RLIM: variants seen among roughly 807,000 people sequenced by gnomAD.
The protein encoded by RLIM is E3 ubiquitin-protein ligase RLIM.
In RLIM, 2 loss-of-function variants were observed where a neutral mutation model predicts 34.0. The ratio of observed to expected loss-of-function variants is 0.06; its 90% CI spans 0.02 to 0.19. The LOEUF (loss-of-function observed/expected upper bound fraction) is 0.19. Among genes scored for constraint, RLIM ranks in the 10% least tolerant of loss-of-function variants. The probability of loss-of-function intolerance (pLI) is 1.00; values close to 1 mark genes in which losing one functional copy is unlikely to be tolerated. For missense variants in RLIM, 286 were observed against 479.7 expected, an observed-to-expected ratio of 0.60 and a Z score of 3.77; for synonymous variants, 169 against 164.0, an observed-to-expected ratio of 1.03 and a Z score of -0.23.
chrX:74,608,216 G>A (rs909238543), intron 1 of RLIM, among the ~76,000 whole-genome samples: 2 of 111,461 alleles, frequency 1.8e-5, no homozygotes, highest in South Asian at 7.4e-4. Flanking sequence ...TAAACCATCT[G>A]CAAGGTACTT....
In RLIM at chrX:74,584,119, T is replaced by G. The variant is rs753132113; in HGVS notation, c.*7321A>C. Among the ~76,000 whole-genome samples the G allele has an allele frequency of 8.9e-6, 1 of 111,852 alleles. No homozygotes were observed. The highest frequency in any genetic ancestry group is 2.8e-4 in the East Asian group (1 of 3,574). On this transcript the variant is annotated 3_prime_UTR_variant, in exon 4 of 4. Transcript: ENST00000332687. ...GCAAACCAGCCAAAACTGATGTTTT[T>G]CCTAAGAAATCACACCTCATAAGCA...
chrX:74,605,296 A>T (rs758323093), intron 1 of RLIM, among the ~76,000 whole-genome samples: 60 of 112,331 alleles, frequency 5.3e-4, no homozygotes, highest in African/African-American at 1.9e-3. Context: ...AAAAACCACA[A>T]GTTCTGCCCC....
At chrX:74,610,366 A>G (rs2079703757) in intron 1 of RLIM, among the ~76,000 whole-genome samples, 1 of 109,014 alleles carries the variant, frequency 9.2e-6, no homozygotes, top group Non-Finnish European at 1.9e-5. Context: ...GCAGTGAGCC[A>G]AGATCGTGCC....
chrX:74,594,529 A>G (rs2079630937), intron 2 of RLIM, 140 bp from the exon 3 acceptor site: 1 of 395,209 alleles, frequency 2.5e-6, no homozygotes, highest in Non-Finnish European at 4.2e-6. Context: ...TCAAACCAAA[A>G]AGAAAAACCA....
chrX:74,601,029 GA>G (rs1222622967), intron 1 of RLIM, among the ~76,000 whole-genome samples: 7 of 104,178 alleles, frequency 6.7e-5, no homozygotes, highest in Non-Finnish European at 5.9e-5. Context: ...CGTCTCAAAG[GA>G]AAAAAAAAAG....
intron 1 of RLIM, among the ~76,000 whole-genome samples, chrX:74,600,904 C>T (rs2079658703): frequency 9.3e-6 from 1 of 107,243 alleles, no homozygotes; most frequent in South Asian, 4.2e-4. Context: ...CGTGTAATCC[C>T]AGCTACTTGG....
chrX:74,595,798 T>C lies in RLIM; in HGVS notation c.169+11A>G, dbSNP rs192370406. On this transcript the variant is annotated intron_variant, in intron 2 of 3. Transcript: ENST00000332687. ...TTACACTTATAAATCCTTAAATATA[T>C]GTAAGCATACCTGGGGTGCCTAGCA... The C allele has an allele frequency of 2.2e-5, 26 of 1,165,328 alleles. No homozygotes were observed. Among genetic ancestry groups the C allele is most frequent in the Non-Finnish European group, 2.8e-5 (24 of 866,752 alleles).
intron 3 of RLIM, 118 bp downstream of exon 3, chrX:74,594,188 G>T: frequency 2.3e-6 from 1 of 442,490 alleles, no homozygotes; most frequent in Non-Finnish European, 3.7e-6. Context: ...TTTATGAGCA[G>T]TTACTTAGCA....
rs746510103 is a variant in RLIM at position 74,591,624 on chromosome X, T to C, written c.1691A>G (p.Asn564Ser). ...AACACTACAGGTTTTTAATGCATCA[T>C]TTTCACCAAAACTTCTCATTGCCAA... ...DNLAMRSFGE[N>S]DALKTCSVCI... Residue 564 changes from asparagine (N) to serine (S), a missense_variant, in exon 4 of 4, where the codon AAT (asparagine) becomes AGT (serine). Asn to Ser is a conservative substitution (Grantham distance 46). This residue lies in a region of RLIM where 14 missense variants were observed against 63.2 expected (regional missense o/e 0.22). Coordinates refer to ENST00000332687, the MANE Select transcript of RLIM (RefSeq NM_016120.4). The C allele has an allele frequency of 1.1e-5, 13 of 1,210,326 alleles. No homozygotes were observed. In the Admixed American group the frequency reaches 2.8e-4, roughly 26 times the overall value.
chrX:74,599,480 C>G (rs2079652508), intron 1 of RLIM, among the ~76,000 whole-genome samples: 1 of 111,965 alleles, frequency 8.9e-6, no homozygotes, highest in Admixed American at 9.5e-5. Flanking sequence ...TTGTCCCCCT[C>G]AAATTCACAT....
At chrX:74,597,942 A>ATTGGAAC (rs2079646440) in intron 1 of RLIM, among the ~76,000 whole-genome samples, 1 of 112,206 alleles carries the variant, frequency 8.9e-6, no homozygotes, top group Non-Finnish European at 1.9e-5. Flanking sequence ...TCAAACAATA[A>ATTGGAAC]ATAGCTTGGA....
Position 74,583,558 on chromosome X carries a change from T to C in RLIM, c.*7882A>G. The C allele has an allele frequency of 2.0e-6, 1 of 494,945 alleles. No individual in the cohort carries two copies. Among genetic ancestry groups the C allele is most frequent in the South Asian group, 2.8e-5 (1 of 36,146 alleles). 40.8% of individuals were successfully genotyped at this position (494,945 alleles called of 1,213,427 possible). A position where few individuals can be genotyped will look rare whatever the true frequency, so the allele number is the denominator to read the frequency against. ...TGTGTTGATGAATTCACCAAATTTT[T>C]ATTCCAGTCTATTTTGAGACTTCTG... On this transcript the variant is annotated 3_prime_UTR_variant, in exon 4 of 4. Transcript: ENST00000332687.
At position 74,612,014 on chromosome X, in the gene RLIM, T is replaced by A. The variant is rs73625810; in HGVS notation, c.-24+2408A>T. ...TTTGCACCTGCTGTCCAGGAATTAT[T>A]AATGTTCCTTTTGTTCTTAAAAGTG... On this transcript the variant is annotated intron_variant, in intron 1 of 3. Coordinates refer to ENST00000332687, the MANE Select transcript of RLIM (RefSeq NM_016120.4). Among the ~76,000 whole-genome samples the A allele has an allele frequency of 7.2e-4, 81 of 112,003 alleles. 1 individual carries two copies. The highest frequency in any genetic ancestry group is 2.5e-3 in the African/African-American group (78 of 30,896).
At chrX:74,608,656 T>C (rs1277104281) in intron 1 of RLIM, among the ~76,000 whole-genome samples, 2 of 112,059 alleles carry the variant, frequency 1.8e-5, no homozygotes, top group South Asian at 3.6e-4. Flanking sequence ...TCTTTACCAG[T>C]TGAAAAGGAC....
intron 1 of RLIM, 84 bp from the exon 2 acceptor site, chrX:74,596,084 G>T: frequency 1.8e-6 from 1 of 571,040 alleles, no homozygotes; most frequent in Non-Finnish European, 2.6e-6. Context: ...AATCCAGAAT[G>T]TAGGTCTAGA....
At position 74,587,508 on chromosome X, in the gene RLIM, A is replaced by G. The variant is rs1027637206; in HGVS notation, c.*3932T>C. 8.9e-6 allele frequency: 1 copy of G among 111,936 alleles called. No homozygotes were observed. The highest frequency in any genetic ancestry group is 3.2e-5 in the African/African-American group (1 of 30,819). 9.2% of individuals were successfully genotyped at this position (111,936 alleles called of 1,213,427 possible). On this transcript the variant is annotated 3_prime_UTR_variant, in exon 4 of 4. Transcript: ENST00000332687. The stretch of plus-strand genomic sequence containing the variant: ...GCAGATTATAATTTTTTTTGTTCGC[A>G]AAAGAACAAAGGAGAAAAGGGGAAG...
In RLIM at chrX:74,587,092, T is replaced by C. The variant is rs1278726886; in HGVS notation, c.*4348A>G. 9.0e-6 allele frequency: 1 copy of C among 111,383 alleles called. No individual in the cohort carries two copies. Among genetic ancestry groups the C allele is most frequent in the Non-Finnish European group, 1.9e-5 (1 of 53,057 alleles). 9.2% of individuals were successfully genotyped at this position (111,383 alleles called of 1,213,427 possible). ...CAGAGCAAGACCCTGTCTCAAAAAG[T>C]AAAAAATAAAATAAAATAAAAATAA... is the stretch of plus-strand genomic sequence containing the variant. On this transcript the variant is annotated 3_prime_UTR_variant, in exon 4 of 4. Coordinates refer to ENST00000332687, the MANE Select transcript of RLIM (RefSeq NM_016120.4).
intron 1 of RLIM, among the ~76,000 whole-genome samples, chrX:74,607,169 C>T (rs1453151544): frequency 4.2e-5 from 3 of 71,501 alleles, no homozygotes; most frequent in African/African-American, 1.1e-4. Context: ...AAGAAATTAC[C>T]TCGTTTTTTA....
rs1253531102 is a variant in RLIM, at chrX:74,585,841, C to A, written c.*5599G>T. The A allele has an allele frequency of 2.7e-5, 3 of 112,059 alleles. No homozygotes were observed. Among genetic ancestry groups the A allele is most frequent in the Non-Finnish European group, 5.6e-5 (3 of 53,269 alleles). 9.2% of individuals were successfully genotyped at this position (112,059 alleles called of 1,213,427 possible). ...TAACTTCACTTTGTGCTCCTCTCTGCTTTTTTGAGTCTCTCCCGAAGGTCA... is the reference window on the plus strand; with the variant it reads ...TAACTTCACTTTGTGCTCCTCTCTGATTTTTTGAGTCTCTCCCGAAGGTCA... On this transcript the variant is annotated 3_prime_UTR_variant, in exon 4 of 4. Transcript: ENST00000332687.
Sources: allele counts gnomAD v4.1 joint callset (sites outside exome capture counted in the v4.1 genomes callset), GRCh38; gene constraint gnomAD v4.1.1; regional missense constraint gnomAD v4.1.1; transcripts MANE v1.5; gene names NCBI Gene and HGNC (gene_info 2026-07-23, HGNC 2026-07-21).